NCAPD3: variants seen among roughly 807,000 people sequenced by gnomAD.
NCAPD3 encodes non-SMC condensin II complex subunit D3.
A neutral mutation model predicts 182.9 loss-of-function variants in NCAPD3; 105 were observed. That is an observed-to-expected ratio of 0.57 (90% CI 0.49 to 0.68). NCAPD3 has a LOEUF of 0.68. Among genes scored for constraint, NCAPD3 ranks in the 30% least tolerant of loss-of-function variants. The pLI is 0.00. For synonymous variants in NCAPD3, 815 were observed against 679.9 expected (o/e 1.20, Z -3.09); for missense variants, 1,944 against 1,837.0 (o/e 1.06, Z -1.07).
chr11:134,192,575 C>G lies in NCAPD3; in HGVS notation c.2045+114G>C, dbSNP rs1565544305. ...AAGAGAGACCAATACTTAATCTTCACATACACTAAGTAATCTGGAAAGCTG... is the reference window on the plus strand; with the variant it reads ...AAGAGAGACCAATACTTAATCTTCAGATACACTAAGTAATCTGGAAAGCTG... On this transcript the variant is annotated intron_variant, in intron 16 of 34. Transcript: ENST00000534548. 4.7e-6 allele frequency: 4 copies of G among 850,160 alleles called. No homozygotes were observed. The East Asian group carries it at 1.0e-4, about 21-fold the overall frequency. The allele number at this position is 850,160 out of a possible 1,614,324, so 52.7% of individuals were successfully genotyped here. A position where few individuals can be genotyped will look rare whatever the true frequency, so the allele number is the denominator to read the frequency against.
chr11:134,225,220 A>C (rs1290009980), upstream of NCAPD3: 1 of 1,613,930 alleles, frequency 6.2e-7, no homozygotes, highest in African/African-American at 1.3e-5. Context: ...GAGGACGGGA[A>C]GAAGGAGAAA....
intron 13 of NCAPD3, among the ~76,000 whole-genome samples, chr11:134,201,980 ATC>A (rs1469028723): frequency 6.6e-6 from 1 of 152,158 alleles, no homozygotes; most frequent in Non-Finnish European, 1.5e-5. Flanking sequence ...CTCGGCACCT[ATC>A]TCAGTGTTCC....
At chr11:134,156,165 G>A (rs958619504) in intron 32 of NCAPD3, among the ~76,000 whole-genome samples, 3 of 152,288 alleles carry the variant, frequency 2.0e-5, no homozygotes, top group African/African-American at 2.4e-5. Context: ...TGGGCTCAGC[G>A]CCCAGCTCTG....
intron 24 of NCAPD3, among the ~76,000 whole-genome samples, chr11:134,172,617 T>TA (rs1944036493): frequency 6.6e-6 from 1 of 152,192 alleles, no homozygotes; most frequent in Admixed American, 6.5e-5. Flanking sequence ...AGTGCCCAGT[T>TA]AAACTACAAT....
intron 1 of NCAPD3, chr11:134,223,400 T>C: frequency 2.8e-6 from 2 of 702,324 alleles, no homozygotes; most frequent in Non-Finnish European, 5.2e-6. Flanking sequence ...GTGGCTTGGA[T>C]GGTGCCATTA....
rs754087504 is a variant in NCAPD3 at position 134,168,556 on chromosome 11, G to A, written c.3286C>T (p.Arg1096Ter). 1.7e-5 allele frequency: 28 copies of A among 1,613,978 alleles called. No individual in the cohort carries two copies. The highest frequency in any genetic ancestry group is 2.4e-5 in the Non-Finnish European group (28 of 1,180,010). The change falls in exon 26 of 35, where the codon CGA becomes TGA. Residue 1096 changes from arginine to a stop codon, truncating the protein, a stop_gained. Coordinates refer to ENST00000534548, the MANE Select transcript of NCAPD3 (RefSeq NM_015261.3). LOFTEE classifies it high-confidence loss of function. ...SLKGKSNKER[R>*]MKIYKFLLEH... ...AGAAGAAATTTGTAGATTTTCATTC[G>A]TCTCTCTTTGTTTGACTTTCCCTTC...
At chr11:134,193,004 A>C (rs1944556438) in intron 15 of NCAPD3, 95 bp from the exon 16 acceptor site, 1 of 723,872 alleles carries the variant, frequency 1.4e-6, no homozygotes, top group South Asian at 1.7e-5. Flanking sequence ...TCACACCTTC[A>C]ACTGCAAATA....
intron 17 of NCAPD3, 117 bp downstream of exon 17, chr11:134,185,218 T>C: frequency 9.8e-7 from 1 of 1,021,056 alleles, no homozygotes; most frequent in Non-Finnish European, 1.4e-6. Flanking sequence ...TTATACCAGG[T>C]TTTAAACAGA....
In NCAPD3 at chr11:134,206,733, C is replaced by T. The variant is rs747411909; in HGVS notation, c.883-1G>A. Reference sequence around the variant, plus strand: ...TTTGATGGAAAACACAACTGATGACCTAGAAGAGAAAAGAAAATTCAATTT... The same window carrying T: ...TTTGATGGAAAACACAACTGATGACTTAGAAGAGAAAAGAAAATTCAATTT... On this transcript the variant is annotated splice_acceptor_variant, in intron 7 of 34. Coordinates refer to ENST00000534548, the MANE Select transcript of NCAPD3 (RefSeq NM_015261.3). LOFTEE classifies it high-confidence loss of function. 6.3e-7 allele frequency: 1 copy of T among 1,598,462 alleles called. No individual in the cohort carries two copies. The highest frequency in any genetic ancestry group is 2.3e-5 in the East Asian group (1 of 44,186).
intron 27 of NCAPD3, among the ~76,000 whole-genome samples, chr11:134,167,740 T>C (rs1395784011): frequency 8.7e-6 from 1 of 115,456 alleles, no homozygotes; most frequent in Non-Finnish European, 1.7e-5. Context: ...ACTCGTGAGA[T>C]GAGCTTAGGG....
chr11:134,175,673 A>G (rs2135972383), intron 24 of NCAPD3, among the ~76,000 whole-genome samples: 1 of 152,318 alleles, frequency 6.6e-6, no homozygotes, highest in East Asian at 1.9e-4. Flanking sequence ...TTGCTTGAAA[A>G]AGAATTACTG....
intron 27 of NCAPD3, among the ~76,000 whole-genome samples, chr11:134,164,911 C>G (rs1013541995): frequency 6.6e-6 from 1 of 151,192 alleles, no homozygotes; most frequent in East Asian, 2.0e-4. Flanking sequence ...GAGCTGCACA[C>G]TCACTTGTGA....
At chr11:134,164,007 G>T (rs1386031597) in intron 27 of NCAPD3, among the ~76,000 whole-genome samples, 1 of 152,090 alleles carries the variant, frequency 6.6e-6, no homozygotes, top group Admixed American at 6.6e-5. Flanking sequence ...GCTTAAATAA[G>T]GTCAGAACTA....
chr11:134,185,376 C>A lies in NCAPD3; in HGVS notation c.2196G>T (p.Leu732=). The change falls in exon 17 of 35, where the codon CTG becomes CTT. Residue 732 remains leucine, a synonymous_variant. Transcript: ENST00000534548. ...LSKIAGSSPR[L]DYSRIIQSWE... Reference sequence around the variant, plus strand: ...AAGATTGTATTATTCTGCTGTAGTCCAGCCTGGGTGAGGAGCCAGCAATCT... The same window carrying A: ...AAGATTGTATTATTCTGCTGTAGTCAAGCCTGGGTGAGGAGCCAGCAATCT... 6.2e-7 allele frequency: 1 copy of A among 1,613,494 alleles called. No individual in the cohort carries two copies. Among genetic ancestry groups the A allele is most frequent in the Non-Finnish European group, 8.5e-7 (1 of 1,179,768 alleles).
At position 134,185,437 on chromosome 11, in the gene NCAPD3, G is replaced by A. The variant is rs143833204; in HGVS notation, c.2135C>T (p.Thr712Met). The A allele has an allele frequency of 1.4e-4, 234 of 1,613,936 alleles. No homozygotes were observed. The African/African-American group carries it at 2.6e-3, about 18-fold the overall frequency. The change falls in exon 17 of 35, where the codon ACG becomes ATG. Residue 712 changes from threonine to methionine, a missense_variant. By Grantham distance (81) the Thr-to-Met change is moderately conservative. Coordinates refer to ENST00000534548, the MANE Select transcript of NCAPD3 (RefSeq NM_015261.3). ...FINNVISHTG[T>M]EHSAPAWMLL... is the part of the protein sequence containing the mutation. ...CATCCAGGCAGGTGCCGAATGTTCCGTGCCAGTGTGAGATATTACATTGTT... is the reference window on the plus strand; with the variant it reads ...CATCCAGGCAGGTGCCGAATGTTCCATGCCAGTGTGAGATATTACATTGTT...
chr11:134,168,594 C>A lies in NCAPD3; in HGVS notation c.3248G>T (p.Arg1083Leu). Residue 1083 changes from arginine (R) to leucine (L), a missense_variant, in exon 26 of 35, where the codon CGG becomes CTG. Coordinates refer to ENST00000534548, the MANE Select transcript of NCAPD3 (RefSeq NM_015261.3). ...NKFPQSEREK[R>L]LFSLKGKSNK... ...TGACTTTCCCTTCAATGAAAACAGCCGCTTCTCTCTGTGGCAGAACGGGAC... is the reference window on the plus strand; with the variant it reads ...TGACTTTCCCTTCAATGAAAACAGCAGCTTCTCTCTGTGGCAGAACGGGAC... 1 of 1,614,034 alleles carries A rather than the reference C, an allele frequency of 6.2e-7. No homozygotes were observed. Among genetic ancestry groups the A allele is most frequent in the Non-Finnish European group, 8.5e-7 (1 of 1,180,024 alleles).
intron 24 of NCAPD3, 65 bp from the exon 25 acceptor site, chr11:134,169,119 C>T (rs1370133881): frequency 2.9e-5 from 44 of 1,520,194 alleles, no homozygotes; most frequent in South Asian, 1.3e-4. Flanking sequence ...TCTGAATACA[C>T]CAAGAACTCT....
Position 134,203,915 on chromosome 11 carries a change from G to GC in NCAPD3, c.1216-10dup. On this transcript the variant is annotated splice_polypyrimidine_tract_variant and intron_variant, in intron 10 of 34. Transcript: ENST00000534548. Reference sequence around the variant, plus strand: ...AAAACCCGGTGTGGGATCTGGTAAAGCAAGATCATAAGAATTGCCATCAGA... The same window carrying GC: ...AAAACCCGGTGTGGGATCTGGTAAAGCCAAGATCATAAGAATTGCCATCAGA... 1 of 1,611,622 alleles carries GC rather than the reference G, an allele frequency of 6.2e-7. No homozygotes were observed.
intron 27 of NCAPD3, among the ~76,000 whole-genome samples, chr11:134,164,186 C>T (rs1943685167): frequency 6.6e-6 from 1 of 152,146 alleles, no homozygotes; most frequent in South Asian, 2.1e-4. Context: ...CCAAGCTCTG[C>T]CCCAGTCATT....
Sources: allele counts gnomAD v4.1 joint callset (sites outside exome capture counted in the v4.1 genomes callset), GRCh38; gene constraint gnomAD v4.1.1; transcripts MANE v1.5; gene names NCBI Gene and HGNC (gene_info 2026-07-23, HGNC 2026-07-21).